The following GPC6 variants were observed in gnomAD, a reference collection of about 807,000 sequenced individuals.
GPC6 encodes glypican-6.
In GPC6, 14 loss-of-function variants were observed where a neutral mutation model predicts 55.2. The ratio of observed to expected loss-of-function variants is 0.25; its 90% CI spans 0.17 to 0.40. The LOEUF is 0.40. Among genes scored for constraint, GPC6 ranks in the 10% least tolerant of loss-of-function variants. The pLI, the probability that GPC6 is intolerant of heterozygous loss-of-function variation, is 1.00. For synonymous variants in GPC6, 278 were observed against 259.6 expected, an observed-to-expected ratio of 1.07 and a Z score of -0.68; for missense variants, 641 against 708.5, an observed-to-expected ratio of 0.90 and a Z score of 1.08.
At chr13:94,394,558 A>C (rs1241204300) in intron 7 of GPC6, among the ~76,000 whole-genome samples, 2 of 152,150 alleles carry the variant, frequency 1.3e-5, no homozygotes, top group Non-Finnish European at 2.9e-5. Flanking sequence ...AAAGAAACCA[A>C]ATGTGAGAGG....
chr13:93,711,566 C>T (rs1883065315), intron 2 of GPC6, among the ~76,000 whole-genome samples: 1 of 145,702 alleles, frequency 6.9e-6, no homozygotes, highest in Non-Finnish European at 1.5e-5. Flanking sequence ...TATGTCATCC[C>T]ATCTAATGTC....
intron 3 of GPC6, among the ~76,000 whole-genome samples, chr13:94,009,994 C>A (rs1882178509): frequency 6.6e-6 from 1 of 152,118 alleles, no homozygotes; most frequent in African/African-American, 2.4e-5. Context: ...AGATTATAGT[C>A]TCCTCGATTC....
intron 1 of GPC6, among the ~76,000 whole-genome samples, chr13:93,483,428 C>A (rs1344536081): frequency 6.6e-5 from 10 of 151,922 alleles, no homozygotes; most frequent in Admixed American, 6.6e-4. Flanking sequence ...AGTAATAAAT[C>A]ATTAGTTATT....
intron 2 of GPC6, among the ~76,000 whole-genome samples, chr13:93,785,395 G>A (rs1232672458): frequency 6.6e-6 from 1 of 152,136 alleles, no homozygotes; most frequent in African/African-American, 2.4e-5. Flanking sequence ...ATTATCATCT[G>A]GGAAATTTTT....
At chr13:93,672,817 G>A (rs959021578) in intron 2 of GPC6, among the ~76,000 whole-genome samples, 5 of 151,894 alleles carry the variant, frequency 3.3e-5, no homozygotes, top group South Asian at 2.1e-4. Flanking sequence ...GACTAAAAGT[G>A]CACCATACAG....
rs148276090 is a variant in GPC6 at position 93,771,081 on chromosome 13, A to G, written c.320-59073A>G. 3.3e-5 allele frequency among the ~76,000 whole-genome samples: 5 copies of G among 152,262 alleles called. No individual in the cohort carries two copies. The East Asian group carries it at 5.8e-4, about 18-fold the overall frequency. On this transcript the variant is annotated intron_variant, in intron 2 of 8. Transcript: ENST00000377047. ...GCTCATTCAGTCTGTTCTGTGCCAA[A>G]CATATTGATAACACATACACTGAAG...
intron 4 of GPC6, among the ~76,000 whole-genome samples, chr13:94,030,004 CTT>C (rs55808503): frequency 1.9e-4 from 27 of 139,392 alleles, no homozygotes; most frequent in Non-Finnish European, 1.7e-4. Flanking sequence ...TTCTTCCCGT[CTT>C]TTTTTTTTTT....
chr13:93,537,099 C>G (rs12869656), intron 1 of GPC6, among the ~76,000 whole-genome samples: 11 of 152,038 alleles, frequency 7.2e-5, no homozygotes, highest in Non-Finnish European at 1.3e-4. Flanking sequence ...CCTGAAGACA[C>G]CTCCATCACC....
At chr13:93,470,047 G>C (rs776789864) in intron 1 of GPC6, among the ~76,000 whole-genome samples, 1 of 152,144 alleles carries the variant, frequency 6.6e-6, no homozygotes, top group Non-Finnish European at 1.5e-5. Context: ...AAATTGGATA[G>C]TGTAATTTCT....
chr13:93,832,726 T>C (rs1887567256), intron 3 of GPC6, among the ~76,000 whole-genome samples: 1 of 152,128 alleles, frequency 6.6e-6, no homozygotes, highest in Admixed American at 6.5e-5. Flanking sequence ...AGGTCTTTGT[T>C]GACCAAAGTC....
Position 94,376,733 on chromosome 13 carries a change from C to T in GPC6, c.1153-5681C>T, listed in dbSNP as rs1222344180. Among the ~76,000 whole-genome samples the T allele has an allele frequency of 9.2e-5, 14 of 152,252 alleles. No individual in the cohort carries two copies. The East Asian group carries it at 2.7e-3, about 29-fold the overall frequency. Reference sequence around the variant, plus strand: ...TCATATGGAACCAAAAAAGAGCCCGCATCGCCAAGACAATCCTAAGCCAAA... The same window carrying T: ...TCATATGGAACCAAAAAAGAGCCCGTATCGCCAAGACAATCCTAAGCCAAA... On this transcript the variant is annotated intron_variant, in intron 6 of 8. Transcript: ENST00000377047.
chr13:93,448,658 G>A (rs1444500047), intron 1 of GPC6, among the ~76,000 whole-genome samples: 7 of 152,148 alleles, frequency 4.6e-5, no homozygotes, highest in East Asian at 1.9e-4. Context: ...ACTGAGTAAC[G>A]TAATCTGGAT....
chr13:93,703,516 T>A (rs899775993), intron 2 of GPC6, among the ~76,000 whole-genome samples: 1 of 151,866 alleles, frequency 6.6e-6, no homozygotes, highest in Non-Finnish European at 1.5e-5. Flanking sequence ...TGTAAAAAAA[T>A]TCAATATCTG....
intron 1 of GPC6, among the ~76,000 whole-genome samples, chr13:93,332,515 G>A (rs1228924408): frequency 2.0e-5 from 3 of 152,038 alleles, no homozygotes; most frequent in Non-Finnish European, 4.4e-5. Flanking sequence ...TGTCTTTTGA[G>A]AAATGTCTGT....
chr13:94,027,679 CTT>C, intron 3 of GPC6, 48 bp from the exon 4 acceptor site: 1 of 1,562,432 alleles, frequency 6.4e-7, no homozygotes, highest in African/African-American at 1.4e-5. Context: ...TTTTCCTCCT[CTT>C]TATCCTTCTT....
intron 3 of GPC6, among the ~76,000 whole-genome samples, chr13:93,926,485 A>G (rs1877865913): frequency 6.6e-6 from 1 of 152,174 alleles, no homozygotes; most frequent in African/African-American, 2.4e-5. Flanking sequence ...TTACATATTA[A>G]TAATTTGTAT....
chr13:93,304,839 TG>T lies in GPC6; in HGVS notation c.160+77228del, dbSNP rs1350360265. ...AGCTTGATGCTATGTTGAGAGTGGG[TG>T]GGGGATTCTGATTAAAATTGGCTGA... On this transcript the variant is annotated intron_variant, in intron 1 of 8. Coordinates refer to ENST00000377047, the MANE Select transcript of GPC6 (RefSeq NM_005708.5). Among the ~76,000 whole-genome samples the T allele has an allele frequency of 2.0e-5, 3 of 152,082 alleles. No individual in the cohort carries two copies. In the East Asian group the frequency reaches 5.8e-4, roughly 30 times the overall value.
chr13:94,374,609 A>G (rs1481094269), intron 6 of GPC6, among the ~76,000 whole-genome samples: 1 of 149,844 alleles, frequency 6.7e-6, no homozygotes, highest in Non-Finnish European at 1.5e-5. Flanking sequence ...CACATTAATA[A>G]TGGGAGACTT....
At chr13:94,180,697 A>C (rs958846963) in intron 4 of GPC6, among the ~76,000 whole-genome samples, 1 of 152,212 alleles carries the variant, frequency 6.6e-6, no homozygotes, top group Non-Finnish European at 1.5e-5. Context: ...CTTCAAAATA[A>C]AATAATCTAC....
Sources: gnomAD v4.1 joint callset for allele counts (sites outside exome capture counted in the v4.1 genomes callset) on GRCh38, gnomAD v4.1.1 for gene constraint, MANE v1.5 for transcripts, NCBI Gene and HGNC (gene_info 2026-07-23, HGNC 2026-07-21) for gene names.